Variants in ANKRD2 observed in about 807,000 individuals in gnomAD.
ANKRD2 encodes ankyrin repeat domain 2, also known as ankyrin repeat domain-containing protein 2.
Under a neutral mutation model 37.3 loss-of-function variants are expected in ANKRD2, and 35 were observed. The observed-to-expected ratio is 0.94, with a 90% confidence interval of 0.72 to 1.24. The LOEUF (loss-of-function observed/expected upper bound fraction) is 1.24, where lower values mean the gene tolerates loss of function less well. Among genes scored for constraint, ANKRD2 ranks in the 50% most tolerant of loss-of-function variants. The pLI, the probability that ANKRD2 is intolerant of heterozygous loss-of-function variation, is 0.00. For synonymous variants in ANKRD2, 159 were observed against 186.5 expected (o/e 0.85, Z 1.20); for missense variants, 410 against 445.6 (o/e 0.92, Z 0.72).
Position 97,582,627 on chromosome 10 carries a change from C to T in ANKRD2, c.777C>T (p.Asp259=), listed in dbSNP as rs555551778. The change falls in exon 8 of 9, where the codon GAC becomes GAT. Residue 259 remains aspartate (D), a synonymous_variant. Coordinates refer to ENST00000370655, the MANE Select transcript of ANKRD2 (RefSeq NM_001346793.2). ...RDREGDTALH[D]AVRLNRYKII... ...AGGAAGGGGATACTGCCCTGCATGA[C>T]GCTGTGAGGCTCAACCGCTACAAAA... The T allele has an allele frequency of 6.8e-5, 110 of 1,614,042 alleles. 1 individual carries two copies. The highest frequency in any genetic ancestry group is 4.9e-4 in the South Asian group (45 of 91,088).
intron 6 of ANKRD2, 28 bp downstream of exon 6, chr10:97,581,442 G>C (rs2135706616): frequency 1.2e-6 from 2 of 1,610,070 alleles, no homozygotes; most frequent in South Asian, 2.2e-5. Context: ...AGAAGCAACA[G>C]ATATTGGGGT....
rs1348679677 is a variant in ANKRD2 at position 97,583,576 on chromosome 10, G to T, written c.853G>T (p.Ala285Ser). The T allele has an allele frequency of 1.9e-6, 3 of 1,600,778 alleles. No individual in the cohort carries two copies. Among genetic ancestry groups the T allele is most frequent in the Non-Finnish European group, 2.6e-6 (3 of 1,174,604 alleles). ...HGADMMTKNLAGKTPTDLVQL... is the reference protein window; with the variant it reads ...HGADMMTKNLSGKTPTDLVQL... ...CCACGCCCCGTCCCGCCCCCTCCAGGCAGGAAAGACCCCGACGGACCTGGT... is the reference window on the plus strand; with the variant it reads ...CCACGCCCCGTCCCGCCCCCTCCAGTCAGGAAAGACCCCGACGGACCTGGT... The change falls in exon 9 of 9, where the codon GCA (alanine) becomes TCA (serine). Residue 285 changes from alanine to serine, a missense_variant and splice_region_variant. Transcript: ENST00000370655.
chr10:97,581,013 C>A, intron 5 of ANKRD2, 60 bp downstream of exon 5: 2 of 1,450,426 alleles, frequency 1.4e-6, no homozygotes, highest in Non-Finnish European at 9.5e-7. Context: ...CTGACAGACA[C>A]CCTCTCCCTG....
upstream of ANKRD2, chr10:97,572,662 A>G: frequency 1.9e-6 from 3 of 1,564,436 alleles, no homozygotes; most frequent in Non-Finnish European, 2.6e-6. Context: ...CCCGAGGTGA[A>G]GGTGACAGGT....
At chr10:97,574,411 A>G (rs2040798332) in intron 1 of ANKRD2, among the ~76,000 whole-genome samples, 1 of 152,206 alleles carries the variant, frequency 6.6e-6, no homozygotes, top group East Asian at 1.9e-4. Context: ...TGAAGTTTCC[A>G]TGAGTGAAAG....
In ANKRD2 at chr10:97,581,308, C is replaced by A; in HGVS notation, c.556-8C>A. The A allele has an allele frequency of 6.2e-7, 1 of 1,613,438 alleles. No individual in the cohort carries two copies. Among genetic ancestry groups the A allele is most frequent in the Non-Finnish European group, 8.5e-7 (1 of 1,179,680 alleles). On this transcript the variant is annotated splice_region_variant and splice_polypyrimidine_tract_variant and intron_variant, in intron 5 of 8. Transcript: ENST00000370655. ...GCTCTGTAGTTAGACCCCCTCATTT[C>A]TTTCTAGCTGGACTGCACAGCCATG...
rs775109690 is a variant in ANKRD2 at position 97,583,668 on chromosome 10, G to T, written c.945G>T (p.Gly315=). 1.2e-5 allele frequency: 19 copies of T among 1,604,594 alleles called. No homozygotes were observed. Among genetic ancestry groups the T allele is most frequent in the East Asian group, 2.3e-5 (1 of 43,956 alleles). ...EHPEPGAEHN[G]LEGPNDSGRE... ...CTGAGCCGGGGGCTGAGCATAACGGGCTGGAGGGGCCTAATGATAGTGGGC... is the reference window on the plus strand; with the variant it reads ...CTGAGCCGGGGGCTGAGCATAACGGTCTGGAGGGGCCTAATGATAGTGGGC... Residue 315 remains glycine, a synonymous_variant, in exon 9 of 9, where the codon GGG becomes GGT. Transcript: ENST00000370655.
In ANKRD2 at chr10:97,578,741, G is replaced by A. The variant is rs895436461; in HGVS notation, c.456+136G>A. The A allele has an allele frequency of 5.9e-6, 4 of 677,360 alleles. No individual in the cohort carries two copies. The East Asian group carries it at 1.1e-4, about 18-fold the overall frequency. 42.0% of individuals were successfully genotyped at this position (677,360 alleles called of 1,614,324 possible). A position where few individuals can be genotyped will look rare whatever the true frequency, so the allele number is the denominator to read the frequency against. On this transcript the variant is annotated intron_variant, in intron 4 of 8. Coordinates refer to ENST00000370655, the MANE Select transcript of ANKRD2 (RefSeq NM_001346793.2). ...CTTTGGATGGGTGGGTGGCTGGGGC[G>A]CTCAGAATGGGTGTCCCTTCCCCGT...
intron 2 of ANKRD2, 74 bp downstream of exon 2, chr10:97,577,975 C>T: frequency 7.1e-7 from 1 of 1,401,464 alleles, no homozygotes; most frequent in Non-Finnish European, 9.6e-7. Flanking sequence ...CACCTCTCCC[C>T]ACGTGGCCCA....
At chr10:97,574,031 G>A (rs1339747527) in intron 1 of ANKRD2, among the ~76,000 whole-genome samples, 1 of 151,850 alleles carries the variant, frequency 6.6e-6, no homozygotes. Context: ...TGTAATCCCA[G>A]CATTTTGAGA....
chr10:97,574,946 G>A (rs539140350), intron 1 of ANKRD2, among the ~76,000 whole-genome samples: 178 of 148,894 alleles, frequency 1.2e-3, no homozygotes, highest in African/African-American at 4.1e-3. Flanking sequence ...AGTGTCTTCC[G>A]TTCATTCATC....
At chr10:97,578,206 C>G in intron 2 of ANKRD2, 34 bp from the exon 3 acceptor site, 8 of 1,598,956 alleles carry the variant, frequency 5.0e-6, no homozygotes, top group Non-Finnish European at 6.8e-6. Context: ...AACTCTCTGC[C>G]CGGCCTGGGG....
chr10:97,578,163 C>CAA, intron 2 of ANKRD2, 77 bp from the exon 3 acceptor site: 1 of 1,370,558 alleles, frequency 7.3e-7, no homozygotes, highest in East Asian at 2.4e-5. Flanking sequence ...ACCCTCCCCA[C>CAA]CAGCTTAGCT....
rs1336850141 is a variant in ANKRD2 at position 97,583,763 on chromosome 10, C to G, written c.*38C>G. On this transcript the variant is annotated 3_prime_UTR_variant, in exon 9 of 9. Transcript: ENST00000370655. ...GCCCAGCCAGCTACCCAGCCCCTCT[C>G]TGTGTGCAGCCGGAGGGTCCTAAGA... is the stretch of plus-strand genomic sequence containing the variant. 1.4e-6 allele frequency: 2 copies of G among 1,472,394 alleles called. No individual in the cohort carries two copies. The highest frequency in any genetic ancestry group is 1.5e-5 in the African/African-American group (1 of 68,110). The allele number at this position is 1,472,394 out of a possible 1,614,324, so 91.2% of individuals were successfully genotyped here.
Position 97,575,453 on chromosome 10 carries a change from GT to G in ANKRD2, c.88-2346del, listed in dbSNP as rs374443974. ...TCACCAGTCACTAAGCACCTACTATGTGCTAGAGCCTGTCACAGATGCTGGG... is the reference window on the plus strand; with the variant it reads ...TCACCAGTCACTAAGCACCTACTATGGCTAGAGCCTGTCACAGATGCTGGG... On this transcript the variant is annotated intron_variant, in intron 1 of 8. Coordinates refer to ENST00000370655, the MANE Select transcript of ANKRD2 (RefSeq NM_001346793.2). Among the ~76,000 whole-genome samples the G allele has an allele frequency of 9.6e-4, 146 of 152,332 alleles. 2 individuals carry two copies. The South Asian group carries it at 0.014, about 14-fold the overall frequency.
rs2040855351 is a variant in ANKRD2, at chr10:97,578,397, T to C, written c.347T>C (p.Ile116Thr). Residue 116 changes from isoleucine (I) to threonine (T), a missense_variant and splice_region_variant, in exon 3 of 9, where the codon ATC becomes ACC. By Grantham distance (89) the Ile-to-Thr change is moderately conservative. Coordinates refer to ENST00000370655, the MANE Select transcript of ANKRD2 (RefSeq NM_001346793.2). ...SHEPPPEPEE[I>T]TGPVDEETFL... ...GAGCCGCCCCCAGAGCCCGAGGAGA[T>C]CGTAAGGGTCCTGGGGAGGACACCG... 2.5e-6 allele frequency: 4 copies of C among 1,612,954 alleles called. No homozygotes were observed. The highest frequency in any genetic ancestry group is 1.7e-5 in the Admixed American group (1 of 59,928).
At chr10:97,581,545 A>C in intron 6 of ANKRD2, 131 bp downstream of exon 6, 1 of 906,658 alleles carries the variant, frequency 1.1e-6, no homozygotes. Context: ...CAGAGCAGGG[A>C]AGCTAAAACA....
chr10:97,582,415 T>C lies in ANKRD2; in HGVS notation c.753+2T>C, dbSNP rs1264082191. The C allele has an allele frequency of 6.4e-7, 1 of 1,568,160 alleles. No homozygotes were observed. The highest frequency in any genetic ancestry group is 1.9e-5 in the Admixed American group (1 of 52,182). On this transcript the variant is annotated splice_donor_variant, in intron 7 of 8. Transcript: ENST00000370655. LOFTEE classifies it high-confidence loss of function. ...CTGGAAATCAATGCCAGAGACAGGG[T>C]GAGTGCTAGCCTGTCCGCTGCTCAC... is the stretch of plus-strand genomic sequence containing the variant.
upstream of ANKRD2, chr10:97,572,654 C>G: frequency 6.5e-7 from 1 of 1,547,668 alleles, no homozygotes. Flanking sequence ...TGGGGCTGCC[C>G]GAGGTGAAGG....
Sources: allele counts gnomAD v4.1 joint callset (sites outside exome capture counted in the v4.1 genomes callset), GRCh38; gene constraint gnomAD v4.1.1; transcripts MANE v1.5; gene names NCBI Gene and HGNC (gene_info 2026-07-23, HGNC 2026-07-21).